IFT88: variants seen among roughly 807,000 people sequenced by gnomAD.
IFT88 encodes intraflagellar transport protein 88 homolog.
A neutral mutation model predicts 119.5 loss-of-function variants in IFT88; 74 were observed. That is an observed-to-expected ratio of 0.62 (90% confidence interval 0.51 to 0.75). The LOEUF is 0.75. Among genes scored for constraint, IFT88 ranks in the 30% least tolerant of loss-of-function variants. IFT88 has a pLI of 0.00. For missense variants in IFT88, 961 were observed against 977.7 expected, an observed-to-expected ratio of 0.98 and a Z score of 0.23; for synonymous variants, 279 against 316.7, an observed-to-expected ratio of 0.88 and a Z score of 1.26.
chr13:20,617,634 G>A (rs1221355542), intron 14 of IFT88, among the ~76,000 whole-genome samples: 2 of 152,084 alleles, frequency 1.3e-5, no homozygotes, highest in African/African-American at 2.4e-5. Context: ...CTGCTAATAC[G>A]TAAAAACTCT....
At chr13:20,618,803 G>A (rs947980578) in intron 14 of IFT88, among the ~76,000 whole-genome samples, 2 of 151,702 alleles carry the variant, frequency 1.3e-5, no homozygotes, top group Non-Finnish European at 2.9e-5. Context: ...AATTCTTCTG[G>A]CATTCTTACT....
chr13:20,595,994 G>C (rs764970647), intron 7 of IFT88, among the ~76,000 whole-genome samples, 156 bp from the exon 8 acceptor site: 1 of 152,086 alleles, frequency 6.6e-6, no homozygotes, highest in African/African-American at 2.4e-5. Context: ...ACTACAGGCT[G>C]CAGTGAGCTA....
intron 24 of IFT88, among the ~76,000 whole-genome samples, chr13:20,677,715 T>A (rs559756107): frequency 6.6e-6 from 1 of 152,310 alleles, no homozygotes; most frequent in South Asian, 2.1e-4. Flanking sequence ...AATTATTGCA[T>A]CTTAATAGAG....
At position 20,690,756 on chromosome 13, in the gene IFT88, G is replaced by A. The variant is rs2058394089; in HGVS notation, c.2294G>A (p.Arg765Lys). 6.2e-7 allele frequency: 1 copy of A among 1,613,962 alleles called. No homozygotes were observed. Among genetic ancestry groups the A allele is most frequent in the Admixed American group, 1.7e-5 (1 of 60,028 alleles). The change falls in exon 25 of 26, where the codon AGA becomes AAA. Residue 765 changes from arginine (R) to lysine (K), a missense_variant. By Grantham distance (26) the Arg-to-Lys change is conservative (BLOSUM62 2). Transcript: ENST00000351808. ...ASSKGERLSA[R>K]LRALPGTNEP... is the part of the protein sequence containing the mutation. ...AGTAAAGGTGAACGACTAAGTGCCA[G>A]ACTCAGAGCTTTACCTGGGACAAAT...
At chr13:20,569,912 G>T (rs2035933197) in intron 1 of IFT88, among the ~76,000 whole-genome samples, 1 of 151,916 alleles carries the variant, frequency 6.6e-6, no homozygotes, top group Admixed American at 6.6e-5. Flanking sequence ...GGGCTTGGTG[G>T]CGGGTGCCTG....
chr13:20,642,220 A>G (rs2050058843), intron 18 of IFT88: 1 of 152,212 alleles, frequency 6.6e-6, no homozygotes, highest in African/African-American at 2.4e-5. Context: ...TTATACAAAT[A>G]TGTTTAGAAA....
chr13:20,570,684 G>T (rs113205474), intron 1 of IFT88, among the ~76,000 whole-genome samples: 3,070 of 79,026 alleles, frequency 0.039, 94 homozygotes, highest in African/African-American at 0.11. Context: ...GAAAATGGTT[G>T]CCAGGGACTG....
intron 1 of IFT88, among the ~76,000 whole-genome samples, chr13:20,571,970 G>A (rs1447830378): frequency 6.6e-6 from 1 of 152,070 alleles, no homozygotes; most frequent in Non-Finnish European, 1.5e-5. Flanking sequence ...TTTTAGTTGG[G>A]TATGACAAGA....
At chr13:20,669,865 T>A (rs920478065) in intron 23 of IFT88, among the ~76,000 whole-genome samples, 4 of 152,228 alleles carry the variant, frequency 2.6e-5, no homozygotes, top group African/African-American at 9.6e-5. Context: ...TTCTTTCATC[T>A]ATGAAGGCAA....
At chr13:20,578,473 T>C (rs1291622303) in intron 2 of IFT88, among the ~76,000 whole-genome samples, 1 of 151,966 alleles carries the variant, frequency 6.6e-6, no homozygotes, top group Non-Finnish European at 1.5e-5. Context: ...ATTTATCTCT[T>C]TCTTCTAGGT....
chr13:20,577,664 T>A (rs2037650334), intron 2 of IFT88, among the ~76,000 whole-genome samples: 1 of 152,224 alleles, frequency 6.6e-6, no homozygotes, highest in African/African-American at 2.4e-5. Flanking sequence ...ATTGATTGAT[T>A]TGCATAAGTT....
At chr13:20,631,483 G>A (rs1286698500) in intron 16 of IFT88, 5 of 166,602 alleles carry the variant, frequency 3.0e-5, no homozygotes, top group Non-Finnish European at 3.9e-5. Flanking sequence ...CATTTATTGA[G>A]CATCTCACTG....
intron 19 of IFT88, among the ~76,000 whole-genome samples, chr13:20,643,830 T>G (rs1435767263): frequency 6.6e-6 from 1 of 152,220 alleles, no homozygotes; most frequent in Non-Finnish European, 1.5e-5. Context: ...CTCGGCTCAC[T>G]GCAGCCTCCT....
chr13:20,676,478 T>G (rs2056671835), intron 24 of IFT88, among the ~76,000 whole-genome samples: 1 of 152,226 alleles, frequency 6.6e-6, no homozygotes, highest in Admixed American at 6.5e-5. Flanking sequence ...GGAATACCAG[T>G]GTCCACTGCA....
At chr13:20,679,326 C>A (rs1194138607) in intron 24 of IFT88, among the ~76,000 whole-genome samples, 1 of 152,206 alleles carries the variant, frequency 6.6e-6, no homozygotes, top group Non-Finnish European at 1.5e-5. Context: ...TTTACATAGT[C>A]TGCTGTTTGT....
Position 20,601,879 on chromosome 13 carries a change from A to G in IFT88, c.987A>G (p.Gln329=), listed in dbSNP as rs1294938839. 3 of 1,610,990 alleles carry G rather than the reference A, an allele frequency of 1.9e-6. No individual in the cohort carries two copies. The highest frequency in any genetic ancestry group is 2.2e-5 in the South Asian group (2 of 91,002). ...GDREKMKKAF[Q]KLITVPLEID... is the part of the protein sequence containing the mutation. ...GAGAAAAAATGAAGAAGGCATTCCA[A>G]AAATTGATTACTGTTCCATTAGAAA... The change falls in exon 12 of 26, where the codon CAA becomes CAG. Residue 329 remains glutamine, a synonymous_variant. Transcript: ENST00000351808.
chr13:20,599,554 T>A lies in IFT88; in HGVS notation c.801T>A (p.Asn267Lys). 1 of 1,446,080 alleles carries A rather than the reference T, an allele frequency of 6.9e-7. No individual in the cohort carries two copies. Among genetic ancestry groups the A allele is most frequent in the Non-Finnish European group, 9.6e-7 (1 of 1,043,920 alleles). The allele number at this position is 1,446,080 out of a possible 1,614,324, so 89.6% of individuals were successfully genotyped here. A position where few individuals can be genotyped will look rare whatever the true frequency, so the allele number is the denominator to read the frequency against. Residue 267 changes from asparagine to lysine, a missense_variant, in exon 11 of 26, where the codon AAT becomes AAA. Asn to Lys is a moderately conservative substitution (Grantham distance 94). Coordinates refer to ENST00000351808, the MANE Select transcript of IFT88 (RefSeq NM_006531.5). ...CATTAGACCAAGTTCCAAGTGTCAA[T>A]AAGCAAATGAGGTAAGTTTATAACA... ...RMALDQVPSVNKQMRIKIMQN... is the reference protein window; with the variant it reads ...RMALDQVPSVKKQMRIKIMQN...
At chr13:20,687,574 G>C (rs1443469651) in intron 24 of IFT88, among the ~76,000 whole-genome samples, 2 of 152,090 alleles carry the variant, frequency 1.3e-5, no homozygotes, top group African/African-American at 4.8e-5. Flanking sequence ...GAAAAATAAA[G>C]GGGTTAGACT....
chr13:20,643,203 C>T (rs1162475568), intron 18 of IFT88, among the ~76,000 whole-genome samples: 1 of 151,960 alleles, frequency 6.6e-6, no homozygotes, highest in Non-Finnish European at 1.5e-5. Flanking sequence ...ATAATTCTAC[C>T]AGAAATTTGG....
Sources: allele counts gnomAD v4.1 joint callset (sites outside exome capture counted in the v4.1 genomes callset), GRCh38; gene constraint gnomAD v4.1.1; transcripts MANE v1.5; gene names NCBI Gene and HGNC (gene_info 2026-07-23, HGNC 2026-07-21).